REXO5: variants seen among roughly 807,000 people sequenced by gnomAD.
REXO5 encodes the protein exonuclease NEF-sp.
REXO5 carries 48 observed loss-of-function variants against 88.5 expected under a neutral mutation model. The observed-to-expected ratio is 0.54, with a 90% CI of 0.43 to 0.69. The LOEUF (loss-of-function observed/expected upper bound fraction) is 0.69, where lower values mean the gene tolerates loss of function less well. REXO5 is among the 30% of genes least tolerant of loss of function. The probability of loss-of-function intolerance (pLI) is 0.00; values close to 1 mark genes in which losing one functional copy is unlikely to be tolerated. For missense variants in REXO5, 749 were observed against 912.2 expected, an observed-to-expected ratio of 0.82 and a Z score of 2.30; for synonymous variants, 311 against 336.5, an observed-to-expected ratio of 0.92 and a Z score of 0.83.
chr16:20,841,029 C>T (rs2081519709), intron 15 of REXO5, among the ~76,000 whole-genome samples: 2 of 152,070 alleles, frequency 1.3e-5, no homozygotes, highest in Admixed American at 1.3e-4. Flanking sequence ...AGAGTAGGCT[C>T]ATGGCTTGCT....
At position 20,844,826 on chromosome 16, in the gene REXO5, G is replaced by GA. The variant is rs1425450119; in HGVS notation, c.1923dup (p.Tyr642IlefsTer47). 6.2e-7 allele frequency: 1 copy of GA among 1,613,892 alleles called. No individual in the cohort carries two copies. The highest frequency in any genetic ancestry group is 8.5e-7 in the Non-Finnish European group (1 of 1,179,918). On this transcript the variant is annotated frameshift_variant, in exon 17 of 20. Coordinates refer to ENST00000261377, the MANE Select transcript of REXO5 (RefSeq NM_030941.3). LOFTEE classifies it high-confidence loss of function. ...CTAAAGATCTTAAAAGTGGAAAGCA[G>GA]AAAAAATACTGTTTCCTGAGTAAGT...
intron 19 of REXO5, among the ~76,000 whole-genome samples, chr16:20,847,476 T>TGA (rs2081627039): frequency 6.6e-6 from 1 of 151,708 alleles, no homozygotes; most frequent in Non-Finnish European, 1.5e-5. Flanking sequence ...TTCTAGGAGT[T>TGA]GACAGAGCAT....
At position 20,846,236 on chromosome 16, in the gene REXO5, C is replaced by G. The variant is rs577811479; in HGVS notation, c.2140C>G (p.His714Asp). 1 of 1,613,946 alleles carries G rather than the reference C, an allele frequency of 6.2e-7. No homozygotes were observed. Among genetic ancestry groups the G allele is most frequent in the South Asian group, 1.1e-5 (1 of 91,076 alleles). ...TTGATCCCAGACTCTGAAACTGGAC[C>G]ACCCGAAGATAGCAGCCTGGCGCTG... ...QEALQTLKLDHPKIAAWRWSR... is the reference protein window; with the variant it reads ...QEALQTLKLDDPKIAAWRWSR... Residue 714 changes from histidine to aspartate, a missense_variant, in exon 19 of 20, where the codon CAC becomes GAC. By Grantham distance (81) the His-to-Asp change is moderately conservative. Coordinates refer to ENST00000261377, the MANE Select transcript of REXO5 (RefSeq NM_030941.3).
intron 5 of REXO5, among the ~76,000 whole-genome samples, chr16:20,816,804 A>G (rs1043686863): frequency 1.7e-4 from 26 of 152,310 alleles, no homozygotes; most frequent in African/African-American, 5.3e-4. Flanking sequence ...AATAATTTCT[A>G]AACTGTCACT....
At chr16:20,813,828 G>A (rs1297457459) in intron 3 of REXO5, among the ~76,000 whole-genome samples, 2 of 152,096 alleles carry the variant, frequency 1.3e-5, no homozygotes, top group African/African-American at 4.8e-5. Context: ...GGAGGCCAAG[G>A]TGTGAGGATC....
intron 2 of REXO5, 95 bp downstream of exon 2, chr16:20,807,186 C>G: frequency 7.0e-7 from 1 of 1,426,248 alleles, no homozygotes; most frequent in South Asian, 1.4e-5. Flanking sequence ...TTCGGGCGGG[C>G]TCTCCGCCCT....
Position 20,846,249 on chromosome 16 carries a change from C to T in REXO5, c.2153C>T (p.Ala718Val). 6.2e-7 allele frequency: 1 copy of T among 1,613,994 alleles called. No individual in the cohort carries two copies. Among genetic ancestry groups the T allele is most frequent in the Non-Finnish European group, 8.5e-7 (1 of 1,179,914 alleles). Residue 718 changes from alanine to valine, a missense_variant, in exon 19 of 20, where the codon GCA becomes GTA. Physicochemically the swap from Ala to Val is moderately conservative, Grantham distance 64. Transcript: ENST00000261377. ...QTLKLDHPKIAAWRWSRKIGK... is the reference protein window; with the variant it reads ...QTLKLDHPKIVAWRWSRKIGK... ...CTGAAACTGGACCACCCGAAGATAG[C>T]AGCCTGGCGCTGGAGCCGGAAGATT...
chr16:20,842,699 C>A (rs978043929), intron 15 of REXO5, among the ~76,000 whole-genome samples: 4 of 152,108 alleles, frequency 2.6e-5, no homozygotes, highest in Non-Finnish European at 5.9e-5. Context: ...AAGAGATCCA[C>A]CCACCTTGGC....
intron 6 of REXO5, among the ~76,000 whole-genome samples, chr16:20,822,212 A>G (rs552570895): frequency 2.8e-4 from 43 of 152,320 alleles, no homozygotes; most frequent in African/African-American, 9.4e-4. Context: ...TTAATATATT[A>G]AAAACAGTCA....
In REXO5 at chr16:20,819,861, G is replaced by A. The variant is rs148980857; in HGVS notation, c.476-1901G>A. ...CAGTCTCAAACTCCTACATTCAAGC[G>A]ATCCTCCTGCCTCAGCCTCCTGAGT... On this transcript the variant is annotated intron_variant, in intron 5 of 19. Coordinates refer to ENST00000261377, the MANE Select transcript of REXO5 (RefSeq NM_030941.3). 2.7e-3 allele frequency among the ~76,000 whole-genome samples: 409 copies of A among 152,116 alleles called. 3 individuals are homozygous for A. The highest frequency in any genetic ancestry group is 9.3e-3 in the African/African-American group (384 of 41,486).
At chr16:20,834,602 G>A (rs1479496233) in intron 13 of REXO5, among the ~76,000 whole-genome samples, 7 of 152,032 alleles carry the variant, frequency 4.6e-5, no homozygotes, top group East Asian at 1.9e-4. Flanking sequence ...GTATTAGGCC[G>A]TTTAAAGTTG....
intron 11 of REXO5, among the ~76,000 whole-genome samples, chr16:20,831,708 G>T (rs1431262954): frequency 6.6e-6 from 1 of 152,122 alleles, no homozygotes; most frequent in Non-Finnish European, 1.5e-5. Context: ...GACTTCTCAT[G>T]ATTTTGTATT....
chr16:20,846,981 A>G (rs781556461), intron 19 of REXO5, among the ~76,000 whole-genome samples: 1 of 152,224 alleles, frequency 6.6e-6, no homozygotes, highest in Non-Finnish European at 1.5e-5. Context: ...TTAAAGCATA[A>G]AGATGGGCAG....
chr16:20,807,168 G>T lies in REXO5; in HGVS notation c.138+77G>T, dbSNP rs1042660731. ...GACCCTCGCCCAACCGCCGTCGGGG[G>T]CACTGGATTCGGGCGGGCTCTCCGC... On this transcript the variant is annotated intron_variant, in intron 2 of 19. Transcript: ENST00000261377. 1.3e-6 allele frequency: 2 copies of T among 1,511,252 alleles called. 1 individual carries two copies. The highest frequency in any genetic ancestry group is 2.5e-5 in the South Asian group (2 of 78,788). The allele number at this position is 1,511,252 out of a possible 1,614,324, so 93.6% of individuals were successfully genotyped here. A position where few individuals can be genotyped will look rare whatever the true frequency, so the allele number is the denominator to read the frequency against.
chr16:20,849,454 A>AGAG lies in REXO5; in HGVS notation c.2300_2301insAGG (p.Ser767delinsArgGly). On this transcript the variant is annotated protein_altering_variant, in exon 20 of 20. Transcript: ENST00000261377. The stretch of plus-strand genomic sequence containing the variant: ...GATGGGAATAAAAGAGGAAGAAGAA[A>AGAG]GCGCTGGCCCAGGCCTGTGTTCGTG... 2 of 1,614,114 alleles carry AGAG rather than the reference A, an allele frequency of 1.2e-6. No individual in the cohort carries two copies. Among genetic ancestry groups the AGAG allele is most frequent in the Non-Finnish European group, 1.7e-6 (2 of 1,179,944 alleles).
chr16:20,829,805 G>C (rs2081313743), intron 11 of REXO5, among the ~76,000 whole-genome samples: 1 of 152,188 alleles, frequency 6.6e-6, no homozygotes, highest in Non-Finnish European at 1.5e-5. Flanking sequence ...GTCAGAGGTG[G>C]AACCAGAATT....
chr16:20,838,588 G>A (rs1949615186), intron 13 of REXO5, among the ~76,000 whole-genome samples: 1 of 152,162 alleles, frequency 6.6e-6, no homozygotes, highest in African/African-American at 2.4e-5. Flanking sequence ...GGTTATGCAT[G>A]TGCCTTTAGT....
chr16:20,818,995 G>T (rs1490465212), intron 5 of REXO5, among the ~76,000 whole-genome samples: 1 of 152,164 alleles, frequency 6.6e-6, no homozygotes, highest in African/African-American at 2.4e-5. Context: ...TCATCATTCA[G>T]CTCCCTCTTA....
intron 12 of REXO5, 141 bp downstream of exon 12, chr16:20,832,400 C>A: frequency 1.9e-6 from 1 of 514,676 alleles, no homozygotes; most frequent in Non-Finnish European, 3.4e-6. Flanking sequence ...ATCACAAAAA[C>A]CACGGAAAAA....
Sources: gnomAD v4.1 joint callset for allele counts (sites outside exome capture counted in the v4.1 genomes callset) on GRCh38, gnomAD v4.1.1 for gene constraint, MANE v1.5 for transcripts, NCBI Gene and HGNC (gene_info 2026-07-23, HGNC 2026-07-21) for gene names.